The following ACTR3 variants were observed in gnomAD, a reference collection of about 807,000 sequenced individuals.
The protein encoded by ACTR3 is actin related protein 3, also known as actin-related protein 3.
In ACTR3, 12 loss-of-function variants were observed where a neutral mutation model predicts 56.8. The observed-to-expected ratio is 0.21, with a 90% confidence interval of 0.14 to 0.34. The LOEUF (loss-of-function observed/expected upper bound fraction) is 0.34, where lower values mean the gene tolerates loss of function less well. Among genes scored for constraint, ACTR3 ranks in the 10% least tolerant of loss-of-function variants. The probability of loss-of-function intolerance (pLI) is 1.00; values close to 1 mark genes in which losing one functional copy is unlikely to be tolerated. For synonymous variants in ACTR3, 162 were observed against 167.4 expected (o/e 0.97, Z 0.25); for missense variants, 282 against 512.5 (o/e 0.55, Z 4.34).
chr2:113,897,168 CACG>C, intron 1 of ACTR3, among the ~76,000 whole-genome samples: 1 of 152,220 alleles, frequency 6.6e-6, no homozygotes, highest in Non-Finnish European at 1.5e-5. Flanking sequence ...GCTTACCAAA[CACG>C]ACATTTATGA....
chr2:113,917,544 T>C (rs1406851684), intron 3 of ACTR3, among the ~76,000 whole-genome samples: 3 of 152,172 alleles, frequency 2.0e-5, no homozygotes, highest in African/African-American at 7.2e-5. Context: ...CTAGTAACCC[T>C]GAAGCTTTCC....
At chr2:113,897,394 TTAA>T (rs1269844753) in intron 1 of ACTR3, among the ~76,000 whole-genome samples, 4 of 152,156 alleles carry the variant, frequency 2.6e-5, no homozygotes, top group Admixed American at 6.5e-5. Flanking sequence ...TTGCAGAATT[TTAA>T]TAATAATTTT....
At chr2:113,902,984 AC>A (rs1679129666) in intron 1 of ACTR3, among the ~76,000 whole-genome samples, 2 of 152,212 alleles carry the variant, frequency 1.3e-5, no homozygotes, top group African/African-American at 4.8e-5. Context: ...TGACATAGTT[AC>A]CTTTTTTGTG....
chr2:113,894,811 C>T (rs758487580), intron 1 of ACTR3, among the ~76,000 whole-genome samples: 2 of 152,054 alleles, frequency 1.3e-5, no homozygotes, highest in Non-Finnish European at 2.9e-5. Flanking sequence ...TTTTTGATGC[C>T]GTCTACCTGG....
chr2:113,905,616 C>A (rs938398547), intron 1 of ACTR3, among the ~76,000 whole-genome samples: 1 of 152,068 alleles, frequency 6.6e-6, no homozygotes, highest in Non-Finnish European at 1.5e-5. Context: ...TTTATCTTCC[C>A]AAACTGAAAC....
rs1680337364 is a variant in ACTR3 at position 113,962,220 on chromosome 2, TC to T, written c.*4766del. The T allele has an allele frequency of 6.6e-6, 1 of 151,982 alleles. No homozygotes were observed. Among genetic ancestry groups the T allele is most frequent in the African/African-American group, 2.4e-5 (1 of 41,412 alleles). The allele number at this position is 151,982 out of a possible 1,614,324, so 9.4% of individuals were successfully genotyped here. On this transcript the variant is annotated 3_prime_UTR_variant, in exon 12 of 12. Transcript: ENST00000263238. ...AAGGTAGTGGGGGATTACTAAGTGA[TC>T]ATGACTTTTCTGAAGCAGGTCTTAA...
chr2:113,890,888 C>G (rs537614541), intron 1 of ACTR3: 3 of 623,764 alleles, frequency 4.8e-6, no homozygotes, highest in South Asian at 1.4e-4. Context: ...CATTTGACCA[C>G]CCACCTTCTC....
At position 113,958,906 on chromosome 2, in the gene ACTR3, G is replaced by A. The variant is rs1680272638; in HGVS notation, c.*1451G>A. ...GTTTTTTGTTTTTACTCTAAAGATA[G>A]AATTGGGGAGTAAACTTCAGTTTTT... On this transcript the variant is annotated 3_prime_UTR_variant, in exon 12 of 12. Coordinates refer to ENST00000263238, the MANE Select transcript of ACTR3 (RefSeq NM_005721.5). 1 of 152,002 alleles carries A rather than the reference G, an allele frequency of 6.6e-6. No homozygotes were observed. Among genetic ancestry groups the A allele is most frequent in the Non-Finnish European group, 1.5e-5 (1 of 67,900 alleles). 9.4% of individuals were successfully genotyped at this position (152,002 alleles called of 1,614,324 possible).
intron 10 of ACTR3, chr2:113,954,735 C>G (rs1680180935): frequency 6.6e-6 from 1 of 151,738 alleles, no homozygotes; most frequent in Admixed American, 6.6e-5. Context: ...CTTTTCTGGC[C>G]CTGGAATCAG....
Position 113,961,134 on chromosome 2 carries a change from T to C in ACTR3, c.*3679T>C, listed in dbSNP as rs1397269144. On this transcript the variant is annotated 3_prime_UTR_variant, in exon 12 of 12. Transcript: ENST00000263238. ...CATTGTTGATAACGCTTCAGTACTG[T>C]ATAAATGTTTATCCTTTTCCACGTA... 6.6e-6 allele frequency: 1 copy of C among 152,144 alleles called. No homozygotes were observed. Among genetic ancestry groups the C allele is most frequent in the East Asian group, 1.9e-4 (1 of 5,180 alleles). 9.4% of individuals were successfully genotyped at this position (152,144 alleles called of 1,614,324 possible).
chr2:113,905,421 C>T (rs1042955728), intron 1 of ACTR3, among the ~76,000 whole-genome samples: 25 of 150,006 alleles, frequency 1.7e-4, no homozygotes, highest in Admixed American at 1.0e-3. Flanking sequence ...GCCGAGATGG[C>T]GCCACGGGAC....
intron 3 of ACTR3, among the ~76,000 whole-genome samples, chr2:113,926,679 T>C (rs755019631): frequency 1.3e-5 from 2 of 152,208 alleles, no homozygotes; most frequent in Non-Finnish European, 2.9e-5. Context: ...TCAGTCCTGC[T>C]GAGAACTGCA....
At chr2:113,954,059 A>C (rs1206432212) in intron 10 of ACTR3, 1 of 152,192 alleles carries the variant, frequency 6.6e-6, no homozygotes, top group Admixed American at 6.5e-5. Context: ...GGTTTGTTTA[A>C]TATTTCTGCT....
intron 4 of ACTR3, 75 bp from the exon 5 acceptor site, chr2:113,931,226 C>T (rs898771573): frequency 3.1e-5 from 26 of 825,936 alleles, no homozygotes; most frequent in South Asian, 2.7e-4. Context: ...TAAATTACTT[C>T]TCATTTAAAA....
intron 1 of ACTR3, among the ~76,000 whole-genome samples, chr2:113,897,717 G>T (rs559837505): frequency 6.6e-6 from 1 of 151,746 alleles, no homozygotes; most frequent in East Asian, 1.9e-4. Flanking sequence ...AGTAGAGACC[G>T]GGTTTCACCA....
intron 6 of ACTR3, among the ~76,000 whole-genome samples, chr2:113,936,349 T>TTTG (rs1679826934): frequency 2.7e-5 from 4 of 145,988 alleles, no homozygotes; most frequent in African/African-American, 1.0e-4. Context: ...TGCTATTCCT[T>TTTG]TTTATTGTTT....
chr2:113,940,875 C>T (rs907036125), intron 7 of ACTR3, among the ~76,000 whole-genome samples: 2 of 148,338 alleles, frequency 1.3e-5, no homozygotes, highest in South Asian at 2.1e-4. Context: ...AGCTGGAGCG[C>T]AGTGGCACAC....
intron 6 of ACTR3, among the ~76,000 whole-genome samples, chr2:113,936,260 T>C (rs1249705821): frequency 1.5e-5 from 2 of 137,530 alleles, no homozygotes; most frequent in Non-Finnish European, 3.0e-5. Context: ...ACCACTGCAC[T>C]CTAGCTTCTC....
rs1282476474 is a variant in ACTR3 at position 113,944,926 on chromosome 2, C to T, written c.858+2567C>T. On this transcript the variant is annotated intron_variant, in intron 8 of 11. Transcript: ENST00000263238. ...TTTTAGTTGTGCAATAGTGTCCTCT[C>T]GCCTCCCCCAGACAGTTGTGGGAAA... is the stretch of plus-strand genomic sequence containing the variant. Among the ~76,000 whole-genome samples, 5 of 152,162 alleles carry T rather than the reference C, an allele frequency of 3.3e-5. No homozygotes were observed. The East Asian group carries it at 5.8e-4, about 18-fold the overall frequency.
Sources: allele counts gnomAD v4.1 joint callset (sites outside exome capture counted in the v4.1 genomes callset), GRCh38; gene constraint gnomAD v4.1.1; transcripts MANE v1.5; gene names NCBI Gene and HGNC (gene_info 2026-07-23, HGNC 2026-07-21).